Variants in MACF1 observed in about 807,000 individuals in gnomAD.
MACF1 encodes the protein microtubule actin crosslinking factor 1.
A neutral mutation model predicts 854.8 loss-of-function variants in MACF1; 193 were observed. The ratio of observed to expected loss-of-function variants is 0.23; its 90% CI spans 0.20 to 0.25. The LOEUF (loss-of-function observed/expected upper bound fraction) is 0.25, where lower values mean the gene tolerates loss of function less well. Ranked by LOEUF, MACF1 falls within the 10% of genes least tolerant of loss-of-function variation. The pLI is 1.00. For synonymous variants in MACF1, 3,185 were observed against 3,226.7 expected, an observed-to-expected ratio of 0.99 and a Z score of 0.44; for missense variants, 7,722 against 8,929.1, an observed-to-expected ratio of 0.86 and a Z score of 5.45.
rs1315696560 is a variant in MACF1 at position 39,234,924 on chromosome 1, C to T, written c.171+3681C>T. Among the ~76,000 whole-genome samples, 7 of 150,476 alleles carry T rather than the reference C, an allele frequency of 4.7e-5. No homozygotes were observed. In the South Asian group the frequency reaches 6.4e-4, roughly 14 times the overall value. On this transcript the variant is annotated intron_variant, in intron 2 of 100. Transcript: ENST00000564288. ...CAGACGATAGGCGGCCGGGCAGAGA[C>T]GCTCCTCACTTCCTAGATGTGATGG...
At chr1:39,349,830 A>C (rs934806590) in intron 42 of MACF1, among the ~76,000 whole-genome samples, 1 of 152,214 alleles carries the variant, frequency 6.6e-6, no homozygotes, top group Non-Finnish European at 1.5e-5. Flanking sequence ...GGGTATCACT[A>C]TGTTGCCAAA....
intron 6 of MACF1, among the ~76,000 whole-genome samples, chr1:39,258,378 AT>A (rs1645119661): frequency 2.0e-5 from 3 of 152,204 alleles, no homozygotes; most frequent in African/African-American, 7.2e-5. Context: ...GTTGGTGTTG[AT>A]GCTTTAGAAT....
chr1:39,442,560 A>T lies in MACF1; in HGVS notation c.19097A>T (p.Lys6366Met). ...AAAGTCATTGAAGTTGAGCTCGCAA[A>T]GCACCATGTAAGTATTTTCATTTTT... ...DPKVIEVELA[K>M]HHVLKNDVLA... Residue 6366 changes from lysine (K) to methionine (M), a missense_variant, in exon 77 of 101, where the codon AAG becomes ATG. By Grantham distance (95) the Lys-to-Met change is moderately conservative. Transcript: ENST00000564288. The T allele has an allele frequency of 6.2e-7, 1 of 1,614,116 alleles. No homozygotes were observed. Among genetic ancestry groups the T allele is most frequent in the Non-Finnish European group, 8.5e-7 (1 of 1,180,018 alleles).
rs181184741 is a variant in MACF1, at chr1:39,167,426, A to T, written c.221-63756A>T. The stretch of plus-strand genomic sequence containing the variant: ...TCTCTACTAAAAATACAAAAATTAG[A>T]CCGGGCGCGGTGGCTCATGCCTGTA... On this transcript the variant is annotated intron_variant, in intron 2 of 93. Coordinates refer to the MACF1 transcript ENST00000361689. Among the ~76,000 whole-genome samples the T allele has an allele frequency of 4.7e-4, 70 of 149,570 alleles. No homozygotes were observed. In the East Asian group the frequency reaches 0.014, roughly 29 times the overall value.
intron 58 of MACF1, among the ~76,000 whole-genome samples, chr1:39,393,929 C>A (rs575669954): frequency 6.6e-6 from 1 of 151,688 alleles, no homozygotes; most frequent in South Asian, 2.1e-4. Flanking sequence ...AAAGAAAGAA[C>A]GAACGAACGA....
intron 3 of MACF1, among the ~76,000 whole-genome samples, chr1:39,250,927 A>G (rs780306082): frequency 7.0e-4 from 106 of 152,228 alleles, no homozygotes; most frequent in Non-Finnish European, 1.2e-3. Flanking sequence ...GCCATAGACA[A>G]CATAATTTTC....
chr1:39,123,298 C>T lies in MACF1; in HGVS notation c.220+38860C>T, dbSNP rs183446906. On this transcript the variant is annotated intron_variant, in intron 2 of 93. Coordinates refer to the MACF1 transcript ENST00000361689. ...TCTTGGCTCACTGCAACCTCTATCT[C>T]CCAGGTTGAAGCGATTCTCGTGCCT... 3.1e-4 allele frequency among the ~76,000 whole-genome samples: 46 copies of T among 147,894 alleles called. No individual in the cohort carries two copies. The East Asian group carries it at 5.6e-3, about 18-fold the overall frequency.
At chr1:39,421,777 T>TAA (rs2148635481) in intron 58 of MACF1, among the ~76,000 whole-genome samples, 1 of 152,206 alleles carries the variant, frequency 6.6e-6, no homozygotes, top group Non-Finnish European at 1.5e-5. Flanking sequence ...CTTTTTGCAT[T>TAA]AAAAATTAAG....
chr1:39,415,553 G>C (rs1481608928), intron 58 of MACF1, among the ~76,000 whole-genome samples: 1 of 148,662 alleles, frequency 6.7e-6, no homozygotes. Flanking sequence ...TAGTAGAGAC[G>C]GGTTTCACTG....
At chr1:39,192,173 C>T (rs147878893) in intron 2 of MACF1, among the ~76,000 whole-genome samples, 8 of 152,102 alleles carry the variant, frequency 5.3e-5, no homozygotes, top group Admixed American at 1.3e-4. Flanking sequence ...AAACAAAAAA[C>T]TTAAAAATGG....
chr1:39,370,320 C>T (rs1009663436), intron 51 of MACF1, 134 bp downstream of exon 51: 2 of 766,218 alleles, frequency 2.6e-6, no homozygotes, highest in East Asian at 2.9e-5. Flanking sequence ...GAAATTCCTA[C>T]GTTTTCTTCA....
At chr1:39,411,386 A>T (rs1489928246) in intron 58 of MACF1, 1 of 1,614,042 alleles carries the variant, frequency 6.2e-7, no homozygotes, top group Non-Finnish European at 8.5e-7. Context: ...GTGGTGGAGG[A>T]TGGATCCGAT....
chr1:39,440,091 C>A (rs1405861966), intron 72 of MACF1, among the ~76,000 whole-genome samples: 1 of 109,084 alleles, frequency 9.2e-6, no homozygotes. Context: ...CTTTTCTTTT[C>A]TTTTCTTTTC....
intron 96 of MACF1, 79 bp downstream of exon 96, chr1:39,468,811 A>T (rs1644719797): frequency 2.4e-6 from 3 of 1,267,362 alleles, no homozygotes; most frequent in African/African-American, 1.5e-5. Flanking sequence ...GGAAGCATTG[A>T]TGGTGGGGTC....
chr1:39,134,962 C>T (rs1469609713), intron 2 of MACF1, among the ~76,000 whole-genome samples: 1 of 152,182 alleles, frequency 6.6e-6, no homozygotes, highest in East Asian at 1.9e-4. Context: ...TCCTTAGCCC[C>T]TGGCAACCAC....
intron 31 of MACF1, among the ~76,000 whole-genome samples, chr1:39,320,237 G>A (rs937875196): frequency 2.6e-5 from 4 of 152,122 alleles, no homozygotes; most frequent in Non-Finnish European, 5.9e-5. Context: ...TTCCAGTGAA[G>A]AATCTTCTTT....
intron 2 of MACF1, among the ~76,000 whole-genome samples, chr1:39,165,206 T>C (rs1176588419): frequency 6.6e-6 from 1 of 152,154 alleles, no homozygotes; most frequent in Non-Finnish European, 1.5e-5. Context: ...GTGAGAACTG[T>C]GTGCCTTTCC....
chr1:39,194,351 C>CTTTTTTTTTT, intron 2 of MACF1, among the ~76,000 whole-genome samples: 1 of 35,542 alleles, frequency 2.8e-5, no homozygotes, highest in Non-Finnish European at 5.2e-5. Context: ...CTTTTCTTTT[C>CTTTTTTTTTT]TTTTTTTTTT....
At position 39,340,601 on chromosome 1, in the gene MACF1, C is replaced by G; in HGVS notation, c.10315C>G (p.Gln3439Glu). The change falls in exon 39 of 101, where the codon CAA becomes GAA. Residue 3439 changes from glutamine to glutamate, a missense_variant. This residue lies in a region of MACF1 where 854 missense variants were observed against 852.6 expected (regional missense o/e 1.00). Coordinates refer to ENST00000564288, the MANE Select transcript of MACF1 (RefSeq NM_001394062.1). ...CAGCCAGCCTCAAGAAGTTCCTGCT[C>G]AACTGTTGAAGGCTCTAGAGAAAGA... The part of the protein sequence containing the change: ...IISQPQEVPA[Q>E]LLKALEKDAK... 6.2e-7 allele frequency: 1 copy of G among 1,614,120 alleles called. No homozygotes were observed. Among genetic ancestry groups the G allele is most frequent in the Non-Finnish European group, 8.5e-7 (1 of 1,180,002 alleles).
Sources: allele counts gnomAD v4.1 joint callset (sites outside exome capture counted in the v4.1 genomes callset), GRCh38; gene constraint gnomAD v4.1.1; regional missense constraint gnomAD v4.1.1; transcripts MANE v1.5; gene names NCBI Gene and HGNC (gene_info 2026-07-23, HGNC 2026-07-21).